ACP6: variants seen among roughly 807,000 people sequenced by gnomAD.
The protein encoded by ACP6 is lysophosphatidic acid phosphatase type 6.
A neutral mutation model predicts 48.1 loss-of-function variants in ACP6; 48 were observed. The ratio of observed to expected loss-of-function variants is 1.00; its 90% CI spans 0.79 to 1.27. The LOEUF (loss-of-function observed/expected upper bound fraction) is 1.27. ACP6 is among the 50% of genes most tolerant of loss of function. The pLI, the probability that ACP6 is intolerant of heterozygous loss-of-function variation, is 0.00. For synonymous variants in ACP6, 172 were observed against 204.2 expected (o/e 0.84, Z 1.34); for missense variants, 485 against 529.1 (o/e 0.92, Z 0.82).
At chr1:147,650,470 G>T (rs1553210341) in intron 7 of ACP6, 1 of 433,698 alleles carries the variant, frequency 2.3e-6, no homozygotes. Flanking sequence ...GACCTGTTGT[G>T]AACACAACTG....
In ACP6 at chr1:147,643,333, G is replaced by A. The variant is rs1659511368; in HGVS notation, c.*4090C>T. On this transcript the variant is annotated 3_prime_UTR_variant, in exon 10 of 10. Transcript: ENST00000583509. ...TCACTGAAAGCCGACATTTCCAAGA[G>A]CCTATTGATAGCATCAAGTGAGGAC... is the stretch of plus-strand genomic sequence containing the variant. 1 of 152,238 alleles carries A rather than the reference G, an allele frequency of 6.6e-6. No individual in the cohort carries two copies. Among genetic ancestry groups the A allele is most frequent in the Non-Finnish European group, 1.5e-5 (1 of 68,052 alleles). 9.4% of individuals were successfully genotyped at this position (152,238 alleles called of 1,614,324 possible).
downstream of ACP6, among the ~76,000 whole-genome samples, chr1:147,639,328 A>G (rs1339038749): frequency 6.6e-6 from 1 of 152,198 alleles, no homozygotes; most frequent in Non-Finnish European, 1.5e-5. Flanking sequence ...TTTTTGACCT[A>G]GAGAACAACC....
At chr1:147,650,286 C>G in intron 7 of ACP6, 48 bp from the exon 8 acceptor site, 1 of 1,379,754 alleles carries the variant, frequency 7.2e-7, no homozygotes, top group Non-Finnish European at 1.0e-6. Flanking sequence ...ACTCAGCATT[C>G]AGGGGACACA....
In ACP6 at chr1:147,670,377, G is replaced by C. The variant is rs1553214637; in HGVS notation, c.-329C>G. The C allele has an allele frequency of 1.8e-5, 4 of 220,770 alleles. No individual in the cohort carries two copies. Among genetic ancestry groups the C allele is most frequent in the Admixed American group, 5.6e-5 (1 of 18,010 alleles). 13.7% of individuals were successfully genotyped at this position (220,770 alleles called of 1,614,324 possible). A position where few individuals can be genotyped will look rare whatever the true frequency, so the allele number is the denominator to read the frequency against. ...GAGGAACATTAAACTTGTATTTCAA[G>C]TTTGGCCTCCAGCACTCTTGAAGGA... On this transcript the variant is annotated 5_prime_UTR_variant, in exon 1 of 10. Transcript: ENST00000583509.
intron 6 of ACP6, among the ~76,000 whole-genome samples, chr1:147,653,358 T>C (rs1297726286): frequency 1.3e-5 from 2 of 151,940 alleles, no homozygotes; most frequent in Admixed American, 6.5e-5. Flanking sequence ...CTCGAACTCC[T>C]GACCTTGTGA....
Position 147,669,865 on chromosome 1 carries a change from G to T in ACP6, c.184C>A (p.Arg62=). ...MVQVVFRHGA[R]SPLKPLPLEE... is the part of the protein sequence containing the mutation. Reference sequence around the variant, plus strand: ...AGCGGGAGCGGCTTGAGAGGACTCCGAGCCCCGTGTCGAAACACGACCTGC... The same window carrying T: ...AGCGGGAGCGGCTTGAGAGGACTCCTAGCCCCGTGTCGAAACACGACCTGC... The change falls in exon 1 of 10, where the codon CGG becomes AGG. Residue 62 remains arginine, a synonymous_variant. Transcript: ENST00000583509. 1 of 1,599,288 alleles carries T rather than the reference G, an allele frequency of 6.3e-7. No homozygotes were observed. Among genetic ancestry groups the T allele is most frequent in the Non-Finnish European group, 8.5e-7 (1 of 1,173,696 alleles).
chr1:147,659,517 A>G lies in ACP6; in HGVS notation c.358T>C (p.Phe120Leu). ...YHETTLKGGM[F>L]AGQLTKVGMQ... ...CCCACCTTGGTCAGCTGCCCAGCAAACATGCCCCCCTAAAGTAGGGAAGAA... is the reference window on the plus strand; with the variant it reads ...CCCACCTTGGTCAGCTGCCCAGCAAGCATGCCCCCCTAAAGTAGGGAAGAA... The change falls in exon 3 of 10, where the codon TTT becomes CTT. Residue 120 changes from phenylalanine (F) to leucine (L), a missense_variant. Phe to Leu is a conservative substitution (Grantham distance 22, BLOSUM62 0). Transcript: ENST00000583509. 1.2e-6 allele frequency: 2 copies of G among 1,614,016 alleles called. No individual in the cohort carries two copies. Among genetic ancestry groups the G allele is most frequent in the Non-Finnish European group, 1.7e-6 (2 of 1,179,988 alleles).
chr1:147,647,881 A>T, intron 9 of ACP6: 1 of 486,734 alleles, frequency 2.1e-6, no homozygotes, highest in Non-Finnish European at 3.7e-6. Context: ...TGAAGCAGCC[A>T]ACACCACGGG....
chr1:147,656,706 G>C (rs1430327972), intron 4 of ACP6, among the ~76,000 whole-genome samples: 1 of 152,022 alleles, frequency 6.6e-6, no homozygotes, highest in Non-Finnish European at 1.5e-5. Context: ...TATCTTATAG[G>C]GTTACTACAA....
downstream of ACP6, among the ~76,000 whole-genome samples, chr1:147,641,109 C>T (rs890687535): frequency 1.5e-4 from 23 of 152,194 alleles, no homozygotes; most frequent in Admixed American, 1.3e-4. Flanking sequence ...CCCCCCACAG[C>T]CCGCCCAGCC....
downstream of ACP6, among the ~76,000 whole-genome samples, chr1:147,640,242 G>A (rs1306381247): frequency 6.6e-6 from 1 of 152,158 alleles, no homozygotes; most frequent in Non-Finnish European, 1.5e-5. Flanking sequence ...CAGGGCCCAG[G>A]AAAGTGGTAA....
Position 147,647,833 on chromosome 1 carries a change from G to C in ACP6, c.1144-267C>G, listed in dbSNP as rs1008624504. 14 of 549,150 alleles carry C rather than the reference G, an allele frequency of 2.5e-5. No homozygotes were observed. The African/African-American group carries it at 2.6e-4, about 10-fold the overall frequency. 34.0% of individuals were successfully genotyped at this position (549,150 alleles called of 1,614,324 possible). A position where few individuals can be genotyped will look rare whatever the true frequency, so the allele number is the denominator to read the frequency against. On this transcript the variant is annotated intron_variant, in intron 9 of 9. Transcript: ENST00000583509. Reference sequence around the variant, plus strand: ...GGGAGAACCAACAGGCTCATCCCTGGGGCGTGCTCTGGCCTCTGCCCTGGA... The same window carrying C: ...GGGAGAACCAACAGGCTCATCCCTGCGGCGTGCTCTGGCCTCTGCCCTGGA...
chr1:147,660,390 G>A (rs1258723817), intron 1 of ACP6, among the ~76,000 whole-genome samples: 1 of 152,160 alleles, frequency 6.6e-6, no homozygotes, highest in African/African-American at 2.4e-5. Context: ...AGCTCCAACT[G>A]TTCATAAAAC....
At chr1:147,632,148 CAGAG>C (rs1256648131) in intron 5 of ACP6, among the ~76,000 whole-genome samples, 4 of 151,626 alleles carry the variant, frequency 2.6e-5, no homozygotes, top group Non-Finnish European at 4.4e-5. Flanking sequence ...GTCATCTCCT[CAGAG>C]AGGTCTTCTC....
At chr1:147,659,062 G>T in intron 3 of ACP6, 23 bp from the exon 4 acceptor site, 1 of 1,589,692 alleles carries the variant, frequency 6.3e-7, no homozygotes, top group South Asian at 1.1e-5. Context: ...AGAAAATAGT[G>T]ACACTCATAA....
chr1:147,634,094 T>A (rs1461517547), intron 5 of ACP6, among the ~76,000 whole-genome samples: 1 of 152,226 alleles, frequency 6.6e-6, no homozygotes, highest in Non-Finnish European at 1.5e-5. Context: ...CCATTTTGCA[T>A]TCCCACTAAG....
Position 147,652,462 on chromosome 1 carries a change from G to T in ACP6, c.868C>A (p.Pro290Thr), listed in dbSNP as rs782544827. 1.2e-6 allele frequency: 2 copies of T among 1,613,234 alleles called. No individual in the cohort carries two copies. The highest frequency in any genetic ancestry group is 1.7e-6 in the Non-Finnish European group (2 of 1,179,692). Residue 290 changes from proline to threonine, a missense_variant, in exon 7 of 10, where the codon CCC becomes ACC. Pro to Thr is a conservative substitution (Grantham distance 38). Coordinates refer to ENST00000583509, the MANE Select transcript of ACP6 (RefSeq NM_016361.5). ...RAVDTSLYIL[P>T]KEDRESLQMA... ...AGAGCCCCTCACCTGTCTTCCTTGG[G>T]CAGTATGTACAAGGATGTGTCCACA...
At position 147,643,135 on chromosome 1, in the gene ACP6, A is replaced by G. The variant is rs587689599; in HGVS notation, c.*4288T>C. 5.9e-5 allele frequency: 9 copies of G among 152,332 alleles called. No homozygotes were observed. The South Asian group carries it at 1.9e-3, about 32-fold the overall frequency. The allele number at this position is 152,332 out of a possible 1,614,324, so 9.4% of individuals were successfully genotyped here. A position where few individuals can be genotyped will look rare whatever the true frequency, so the allele number is the denominator to read the frequency against. ...TTACCTCTTAAAAGGCCCTATCTCC[A>G]AATACATTACACCTGAGGTACATTC... On this transcript the variant is annotated 3_prime_UTR_variant, in exon 10 of 10. Transcript: ENST00000583509.
chr1:147,639,757 A>G (rs1366982579), downstream of ACP6, among the ~76,000 whole-genome samples: 1 of 152,160 alleles, frequency 6.6e-6, no homozygotes, highest in South Asian at 2.1e-4. Flanking sequence ...GCAGTGATTC[A>G]GTGCAGGCCA....
Sources: allele counts gnomAD v4.1 joint callset (sites outside exome capture counted in the v4.1 genomes callset), GRCh38; gene constraint gnomAD v4.1.1; transcripts MANE v1.5; gene names NCBI Gene and HGNC (gene_info 2026-07-23, HGNC 2026-07-21).